CCDC83: variants seen among roughly 807,000 people sequenced by gnomAD.
The protein encoded by CCDC83 is coiled-coil domain containing 83.
A neutral mutation model predicts 50.1 loss-of-function variants in CCDC83; 54 were observed. That is an observed-to-expected ratio of 1.08 (90% CI 0.87 to 1.35). The LOEUF is 1.35. Ranked by LOEUF, CCDC83 falls within the 40% of genes most tolerant of loss-of-function variation. The probability of loss-of-function intolerance (pLI) is 0.00; values close to 1 mark genes in which losing one functional copy is unlikely to be tolerated. For synonymous variants in CCDC83, 161 were observed against 153.3 expected, an observed-to-expected ratio of 1.05 and a Z score of -0.37; for missense variants, 518 against 473.9, an observed-to-expected ratio of 1.09 and a Z score of -0.86.
intron 7 of CCDC83, among the ~76,000 whole-genome samples, chr11:85,906,704 C>T (rs2093427033): frequency 6.6e-6 from 1 of 151,816 alleles, no homozygotes; most frequent in Non-Finnish European, 1.5e-5. Flanking sequence ...TATAGTGAGA[C>T]CACATCTCTA....
At chr11:85,875,660 A>C (rs367633402) in intron 3 of CCDC83, among the ~76,000 whole-genome samples, 1 of 152,240 alleles carries the variant, frequency 6.6e-6, no homozygotes, top group Admixed American at 6.5e-5. Flanking sequence ...TAGGTGTTCA[A>C]TAAATATTTG....
intron 3 of CCDC83, among the ~76,000 whole-genome samples, chr11:85,877,309 A>G (rs999264278): frequency 1.3e-5 from 2 of 152,202 alleles, no homozygotes; most frequent in Non-Finnish European, 2.9e-5. Flanking sequence ...TGTCTCTACA[A>G]AAAATTGTAG....
At chr11:85,858,095 G>A (rs1468236403) in intron 1 of CCDC83, among the ~76,000 whole-genome samples, 1 of 152,192 alleles carries the variant, frequency 6.6e-6, no homozygotes, top group East Asian at 1.9e-4. Context: ...ACATCATCCT[G>A]CTAGCTGAGG....
chr11:85,889,018 A>T (rs1423316475), intron 5 of CCDC83, among the ~76,000 whole-genome samples: 1 of 152,218 alleles, frequency 6.6e-6, no homozygotes, highest in African/African-American at 2.4e-5. Flanking sequence ...AGGAAAAGTG[A>T]TCTTCTCATA....
intron 7 of CCDC83, among the ~76,000 whole-genome samples, chr11:85,906,069 T>G (rs1303307526): frequency 6.6e-6 from 1 of 151,086 alleles, no homozygotes; most frequent in Non-Finnish European, 1.5e-5. Context: ...TTAACAATTC[T>G]CTCTTTTTTT....
chr11:85,911,182 A>G, intron 7 of CCDC83, 99 bp from the exon 8 acceptor site: 2 of 1,084,546 alleles, frequency 1.8e-6, no homozygotes, highest in Non-Finnish European at 2.5e-6. Flanking sequence ...AAATAAAAAA[A>G]AAAAAAAAAA....
chr11:85,895,067 C>T (rs1173456043), intron 5 of CCDC83, among the ~76,000 whole-genome samples: 1 of 152,132 alleles, frequency 6.6e-6, no homozygotes, highest in Admixed American at 6.5e-5. Flanking sequence ...CTCCTCTCCT[C>T]GTTCTGTCTT....
chr11:85,875,231 G>C (rs1337674949), intron 3 of CCDC83, among the ~76,000 whole-genome samples: 1 of 152,216 alleles, frequency 6.6e-6, no homozygotes, highest in Non-Finnish European at 1.5e-5. Flanking sequence ...GAAAGGGTAG[G>C]TATATGTAAA....
chr11:85,900,626 C>G (rs2093396997), intron 7 of CCDC83, among the ~76,000 whole-genome samples: 1 of 152,136 alleles, frequency 6.6e-6, no homozygotes, highest in Non-Finnish European at 1.5e-5. Flanking sequence ...CAAGGACCAC[C>G]AGGCATTTGA....
chr11:85,905,330 T>C (rs1331849689), intron 7 of CCDC83, among the ~76,000 whole-genome samples: 1 of 150,544 alleles, frequency 6.6e-6, no homozygotes, highest in Non-Finnish European at 1.5e-5. Context: ...TAATCCCAGC[T>C]ACTCGGGAGG....
At chr11:85,903,953 C>T (rs888100268) in intron 7 of CCDC83, among the ~76,000 whole-genome samples, 4 of 150,372 alleles carry the variant, frequency 2.7e-5, no homozygotes, top group African/African-American at 7.4e-5. Flanking sequence ...GGCAACACAG[C>T]GAGACTCTGT....
chr11:85,910,552 A>G (rs938919791), intron 7 of CCDC83, among the ~76,000 whole-genome samples: 2 of 152,146 alleles, frequency 1.3e-5, no homozygotes, highest in African/African-American at 4.8e-5. Context: ...TTTTCATTGT[A>G]TTGTTTATAA....
chr11:85,917,155 AG>A lies in CCDC83; in HGVS notation c.1080+923del, dbSNP rs1474529989. Reference sequence around the variant, plus strand: ...AAGAAAGAGAGAGAGAGAGAGAGAGAGAGAGAGAGAGAGAAAGAAAGAAAGA... The same window carrying A: ...AAGAAAGAGAGAGAGAGAGAGAGAGAAGAGAGAGAGAGAAAGAAAGAAAGA... On this transcript the variant is annotated intron_variant, in intron 10 of 10. Transcript: ENST00000342404. Among the ~76,000 whole-genome samples, 115 of 100,228 alleles carry A rather than the reference AG, an allele frequency of 1.1e-3. 2 individuals carry two copies. The highest frequency in any genetic ancestry group is 4.1e-3 in the African/African-American group (106 of 25,880). The allele number at this position is 100,228 out of a possible 152,430, so 65.8% of individuals were successfully genotyped here.
intron 3 of CCDC83, among the ~76,000 whole-genome samples, chr11:85,880,018 G>A (rs141786972): frequency 0.012 from 1,766 of 152,154 alleles, 16 homozygotes; most frequent in Middle Eastern, 0.031. Context: ...TATATAATAC[G>A]TCTTGAAATA....
chr11:85,919,334 G>C lies in CCDC83; in HGVS notation c.1081-15G>C. 6.4e-7 allele frequency: 1 copy of C among 1,568,704 alleles called. No individual in the cohort carries two copies. The highest frequency in any genetic ancestry group is 8.6e-7 in the Non-Finnish European group (1 of 1,163,732). The stretch of plus-strand genomic sequence containing the variant: ...AATCACCTCTCCTATTCTTTTTTGT[G>C]CCTGTTCACCATAGGATTATGTAAA... On this transcript the variant is annotated splice_polypyrimidine_tract_variant and intron_variant, in intron 10 of 10. Coordinates refer to ENST00000342404, the MANE Select transcript of CCDC83 (RefSeq NM_001286159.2).
At chr11:85,901,550 G>A (rs2093402054) in intron 7 of CCDC83, among the ~76,000 whole-genome samples, 2 of 148,314 alleles carry the variant, frequency 1.3e-5, no homozygotes, top group Non-Finnish European at 3.0e-5. Context: ...TCCAGCCTGG[G>A]CAACAGATTG....
chr11:85,874,394 A>G (rs1262420543), intron 3 of CCDC83, among the ~76,000 whole-genome samples: 1 of 152,212 alleles, frequency 6.6e-6, no homozygotes, highest in Non-Finnish European at 1.5e-5. Flanking sequence ...TTGGTTGTGG[A>G]AAGTAAAACA....
intron 1 of CCDC83, among the ~76,000 whole-genome samples, chr11:85,861,326 A>G (rs1393738573): frequency 2.0e-5 from 3 of 152,340 alleles, no homozygotes; most frequent in East Asian, 3.9e-4. Flanking sequence ...TACTTTTATT[A>G]GCCTTACAGT....
At chr11:85,906,760 C>G (rs957557075) in intron 7 of CCDC83, among the ~76,000 whole-genome samples, 1 of 152,060 alleles carries the variant, frequency 6.6e-6, no homozygotes, top group African/African-American at 2.4e-5. Context: ...TGGCACACAT[C>G]TGTGGTCCCA....
Sources: gnomAD v4.1 joint callset for allele counts (sites outside exome capture counted in the v4.1 genomes callset) on GRCh38, gnomAD v4.1.1 for gene constraint, MANE v1.5 for transcripts, NCBI Gene and HGNC (gene_info 2026-07-23, HGNC 2026-07-21) for gene names.